TMEM232: variants seen among roughly 807,000 people sequenced by gnomAD.
TMEM232 encodes the protein transmembrane protein 232.
In TMEM232, 80 loss-of-function variants were observed where a neutral mutation model predicts 78.8. The ratio of observed to expected loss-of-function variants is 1.01; its 90% CI spans 0.85 to 1.22. The LOEUF (loss-of-function observed/expected upper bound fraction) is 1.22. Ranked by LOEUF, TMEM232 falls within the 50% of genes most tolerant of loss-of-function variation. TMEM232 has a pLI of 0.00. For missense variants in TMEM232, 881 were observed against 742.2 expected, an observed-to-expected ratio of 1.19 and a Z score of -2.17; for synonymous variants, 297 against 254.3, an observed-to-expected ratio of 1.17 and a Z score of -1.60.
intron 12 of TMEM232, among the ~76,000 whole-genome samples, chr5:110,455,673 C>T (rs181603271): frequency 6.6e-5 from 10 of 152,214 alleles, no homozygotes; most frequent in Non-Finnish European, 1.3e-4. Context: ...CCACCGCACC[C>T]GGCCCATGTA....
At chr5:110,388,773 C>T (rs1755072817) in intron 4 of TMEM232, among the ~76,000 whole-genome samples, 1 of 152,170 alleles carries the variant, frequency 6.6e-6, no homozygotes. Flanking sequence ...ACCCAAGACT[C>T]TTAAGCAGTG....
At chr5:110,599,369 G>A (rs912614934) in intron 10 of TMEM232, among the ~76,000 whole-genome samples, 17 of 152,076 alleles carry the variant, frequency 1.1e-4, no homozygotes, top group Admixed American at 2.6e-4. Context: ...AAAAGACACC[G>A]ACTAGAAAAC....
chr5:110,719,603 T>C (rs1298573569), intron 1 of TMEM232, among the ~76,000 whole-genome samples: 3 of 152,108 alleles, frequency 2.0e-5, no homozygotes, highest in African/African-American at 7.2e-5. Flanking sequence ...TGGGTACAGA[T>C]TTGCTTCCTC....
intron 12 of TMEM232, among the ~76,000 whole-genome samples, chr5:110,444,570 A>C (rs969950406): frequency 2.6e-5 from 4 of 152,106 alleles, no homozygotes; most frequent in Non-Finnish European, 4.4e-5. Flanking sequence ...CAGTTGTTTA[A>C]CTTTGGTGTT....
intron 12 of TMEM232, among the ~76,000 whole-genome samples, chr5:110,528,047 A>C (rs908367263): frequency 6.6e-6 from 1 of 151,940 alleles, no homozygotes; most frequent in Admixed American, 6.6e-5. Context: ...TAAGAATCTG[A>C]AAGAAATCTA....
At chr5:110,628,429 A>G (rs560835466) in intron 5 of TMEM232, among the ~76,000 whole-genome samples, 7 of 152,182 alleles carry the variant, frequency 4.6e-5, no homozygotes, top group African/African-American at 1.7e-4. Context: ...TCCCTCATGA[A>G]AAAAGACCTC....
At chr5:110,560,581 A>C (rs1186393454) in intron 11 of TMEM232, among the ~76,000 whole-genome samples, 1 of 152,164 alleles carries the variant, frequency 6.6e-6, no homozygotes, top group African/African-American at 2.4e-5. Flanking sequence ...ATTTACAAAG[A>C]TCTCCAAACA....
intron 10 of TMEM232, among the ~76,000 whole-genome samples, chr5:110,576,873 C>T (rs1318532570): frequency 2.6e-5 from 4 of 151,954 alleles, no homozygotes; most frequent in Admixed American, 1.3e-4. Flanking sequence ...ACACTATGTA[C>T]AAAAATTCAC....
At position 110,651,127 on chromosome 5, in the gene TMEM232, A is replaced by G. The variant is rs1242251547; in HGVS notation, c.126-8756T>C. Among the ~76,000 whole-genome samples the G allele has an allele frequency of 3.3e-5, 5 of 152,194 alleles. No homozygotes were observed. In the East Asian group the frequency reaches 9.7e-4, roughly 29 times the overall value. ...ACTCTGCTAGGCAAGAGGACACAAAACGGAAGTGAATCAAAACCTGATAGG... is the reference window on the plus strand; with the variant it reads ...ACTCTGCTAGGCAAGAGGACACAAAGCGGAAGTGAATCAAAACCTGATAGG... On this transcript the variant is annotated intron_variant, in intron 2 of 13. Transcript: ENST00000455884.
intron 12 of TMEM232, among the ~76,000 whole-genome samples, chr5:110,516,211 C>T (rs926305798): frequency 2.0e-5 from 3 of 152,136 alleles, no homozygotes; most frequent in African/African-American, 7.2e-5. Context: ...TGCACTTCAG[C>T]CTGGGCAACA....
intron 10 of TMEM232, among the ~76,000 whole-genome samples, chr5:110,579,684 GAA>G (rs890193242): frequency 2.0e-5 from 3 of 150,516 alleles, no homozygotes; most frequent in Admixed American, 2.0e-4. Context: ...TTACACGAAA[GAA>G]AAAGAGAAAG....
intron 10 of TMEM232, among the ~76,000 whole-genome samples, chr5:110,589,125 T>C (rs1438354641): frequency 6.6e-6 from 1 of 152,120 alleles, no homozygotes; most frequent in Non-Finnish European, 1.5e-5. Context: ...AAGATATATA[T>C]TATAAGTCAT....
intron 10 of TMEM232, among the ~76,000 whole-genome samples, chr5:110,581,720 C>G (rs958719760): frequency 2.0e-5 from 3 of 151,640 alleles, no homozygotes; most frequent in Non-Finnish European, 4.4e-5. Flanking sequence ...ACAGAGTAAA[C>G]AGACAACCTA....
chr5:110,433,377 C>T (rs980266075), intron 12 of TMEM232, among the ~76,000 whole-genome samples: 1 of 151,784 alleles, frequency 6.6e-6, no homozygotes, highest in African/African-American at 2.4e-5. Context: ...TCCTGAAGAA[C>T]ATTTGGGTAA....
At chr5:110,616,388 T>G (rs1188084292) in intron 8 of TMEM232, among the ~76,000 whole-genome samples, 3 of 151,956 alleles carry the variant, frequency 2.0e-5, no homozygotes, top group Admixed American at 6.6e-5. Flanking sequence ...TAGCCCCTTC[T>G]CTCACACTGT....
At chr5:110,410,807 G>A (rs1381923707) in intron 2 of TMEM232, among the ~76,000 whole-genome samples, 3 of 152,142 alleles carry the variant, frequency 2.0e-5, no homozygotes, top group Admixed American at 1.3e-4. Context: ...GGGTCAACTG[G>A]TTTGAGTTTG....
chr5:110,534,682 T>C (rs1166669250), intron 11 of TMEM232, among the ~76,000 whole-genome samples: 2 of 152,190 alleles, frequency 1.3e-5, no homozygotes, highest in Non-Finnish European at 2.9e-5. Flanking sequence ...TCACAGCTGA[T>C]ATCTCCTGGT....
At chr5:110,624,335 T>TA (rs2149928161) in intron 7 of TMEM232, among the ~76,000 whole-genome samples, 1 of 152,036 alleles carries the variant, frequency 6.6e-6, no homozygotes, top group East Asian at 1.9e-4. Flanking sequence ...AACAACCCTG[T>TA]AAAAGAGTTA....
chr5:110,708,130 A>G (rs1796124091), intron 1 of TMEM232, among the ~76,000 whole-genome samples: 1 of 152,220 alleles, frequency 6.6e-6, no homozygotes, highest in African/African-American at 2.4e-5. Flanking sequence ...TCTGCAAAAA[A>G]GCAGAGGGGC....
Sources: gnomAD v4.1 joint callset for allele counts (sites outside exome capture counted in the v4.1 genomes callset) on GRCh38, gnomAD v4.1.1 for gene constraint, MANE v1.5 for transcripts, NCBI Gene and HGNC (gene_info 2026-07-23, HGNC 2026-07-21) for gene names.